The following RASGEF1C variants were observed in gnomAD, a reference collection of about 807,000 sequenced individuals.
RASGEF1C encodes ras-GEF domain-containing family member 1C.
In RASGEF1C, 27 loss-of-function variants were observed where a neutral mutation model predicts 58.1. The ratio of observed to expected loss-of-function variants is 0.46; its 90% CI spans 0.34 to 0.64. The LOEUF is 0.64. Ranked by LOEUF, RASGEF1C falls within the 30% of genes least tolerant of loss-of-function variation. The probability of loss-of-function intolerance (pLI) is 0.01; values close to 1 mark genes in which losing one functional copy is unlikely to be tolerated. For missense variants in RASGEF1C, 502 were observed against 605.1 expected (o/e 0.83, Z 1.79); for synonymous variants, 243 against 246.3 (o/e 0.99, Z 0.13).
chr5:180,101,324 A>T lies in RASGEF1C; in HGVS notation c.*177T>A. 1 of 667,190 alleles carries T rather than the reference A, an allele frequency of 1.5e-6. No homozygotes were observed. Among genetic ancestry groups the T allele is most frequent in the Non-Finnish European group, 2.5e-6 (1 of 406,134 alleles). The allele number at this position is 667,190 out of a possible 1,614,324, so 41.3% of individuals were successfully genotyped here. On this transcript the variant is annotated 3_prime_UTR_variant, in exon 14 of 14. Transcript: ENST00000361132. ...CCTGCCAGGGCCAAAGTCCCATAAA[A>T]GGTCTCCTGTGCCCGTATGGCCACT...
chr5:180,171,625 G>A (rs1185548680), intron 1 of RASGEF1C, among the ~76,000 whole-genome samples: 1 of 152,180 alleles, frequency 6.6e-6, no homozygotes, highest in Non-Finnish European at 1.5e-5. Context: ...CCTGCACACT[G>A]CAGTGGGCAC....
chr5:180,170,641 C>T (rs537086031), intron 1 of RASGEF1C, among the ~76,000 whole-genome samples: 141 of 152,286 alleles, frequency 9.3e-4, no homozygotes, highest in Non-Finnish European at 1.6e-3. Context: ...TCGAACCTTC[C>T]GGAGGTCCCT....
Position 180,114,458 on chromosome 5 carries a change from G to T in RASGEF1C, c.1167C>A (p.His389Gln). Residue 389 changes from histidine (H) to glutamine (Q), a missense_variant, in exon 11 of 14, where the codon CAC (histidine) becomes CAA (glutamine). Transcript: ENST00000361132. ...ACGGAGGTCCTACCTCAAAGTTGAC[G>T]TGTCCATTGGGAAGGCGGTTGGCGC... ...EGCANRLPNG[H>Q]VNFEKFLELA... is the part of the protein sequence containing the mutation. The T allele has an allele frequency of 6.2e-7, 1 of 1,612,658 alleles. No homozygotes were observed. The highest frequency in any genetic ancestry group is 8.5e-7 in the Non-Finnish European group (1 of 1,179,066).
rs920030619 is a variant in RASGEF1C, at chr5:180,115,763, C to T, written c.1084-1222G>A. The stretch of plus-strand genomic sequence containing the variant: ...AGGCCCAGAGAGGTTAAATACCTTG[C>T]ATAAGCTCACACAGCAGTGAGCAGC... On this transcript the variant is annotated intron_variant, in intron 10 of 13. Coordinates refer to ENST00000361132, the MANE Select transcript of RASGEF1C (RefSeq NM_175062.4). Among the ~76,000 whole-genome samples, 13 of 152,310 alleles carry T rather than the reference C, an allele frequency of 8.5e-5. No homozygotes were observed. In the East Asian group the frequency reaches 2.5e-3, roughly 29 times the overall value.
chr5:180,150,701 A>G (rs4700883), intron 1 of RASGEF1C, among the ~76,000 whole-genome samples: 148,353 of 152,170 alleles, frequency 0.97, 72,421 homozygotes, highest in East Asian at 1. Flanking sequence ...ACATAGTGTT[A>G]GAAGTTCTGG....
intron 1 of RASGEF1C, among the ~76,000 whole-genome samples, chr5:180,180,202 A>G (rs1292149511): frequency 3.3e-5 from 5 of 152,222 alleles, no homozygotes; most frequent in Admixed American, 2.6e-4. Flanking sequence ...CTGTGGAGGT[A>G]ATAACAAGTA....
chr5:180,183,977 G>A (rs1755975498), intron 1 of RASGEF1C, among the ~76,000 whole-genome samples: 1 of 151,388 alleles, frequency 6.6e-6, no homozygotes, highest in Non-Finnish European at 1.5e-5. Flanking sequence ...TTTGAGACCA[G>A]CCTGGTCAAC....
intron 4 of RASGEF1C, among the ~76,000 whole-genome samples, chr5:180,129,571 C>T (rs1390287242): frequency 1.3e-5 from 2 of 152,194 alleles, no homozygotes; most frequent in Non-Finnish European, 2.9e-5. Context: ...GCCACACCTG[C>T]CCACCGCTCA....
At chr5:180,169,055 G>C (rs1188696193) in intron 1 of RASGEF1C, among the ~76,000 whole-genome samples, 4 of 152,208 alleles carry the variant, frequency 2.6e-5, no homozygotes, top group Non-Finnish European at 5.9e-5. Context: ...CAGTGGGAGA[G>C]TGGAGTATGC....
Position 180,163,254 on chromosome 5 carries a change from C to CTTTTTTTTTTTTTTTTT in RASGEF1C, c.-6-25197_-6-25196insAAAAAAAAAAAAAAAAA, listed in dbSNP as rs1187829324. On this transcript the variant is annotated intron_variant, in intron 1 of 13. Transcript: ENST00000361132. ...CACTTTTTTTTTTTTTTTTTTTTTC[C>CTTTTTTTTTTTTTTTTT]AGCCTATTGCACTGGCTAGGACTTC... Among the ~76,000 whole-genome samples, 83 of 71,054 alleles carry CTTTTTTTTTTTTTTTTT rather than the reference C, an allele frequency of 1.2e-3. 18 individuals carry two copies. Among genetic ancestry groups the CTTTTTTTTTTTTTTTTT allele is most frequent in the East Asian group, 1.9e-3 (4 of 2,058 alleles). The allele number at this position is 71,054 out of a possible 152,430, so 46.6% of individuals were successfully genotyped here.
chr5:180,191,268 C>T (rs1306620025), intron 1 of RASGEF1C, among the ~76,000 whole-genome samples: 2 of 152,220 alleles, frequency 1.3e-5, no homozygotes, highest in Admixed American at 6.5e-5. Context: ...ACCATTTAAC[C>T]TGGCCATTCC....
chr5:180,162,337 G>T (rs1383502255), intron 1 of RASGEF1C, among the ~76,000 whole-genome samples: 1 of 152,250 alleles, frequency 6.6e-6, no homozygotes, highest in Non-Finnish European at 1.5e-5. Flanking sequence ...GCTGGGCTGG[G>T]CAGTGGAGAA....
chr5:180,173,572 A>G (rs1365237975), intron 1 of RASGEF1C, among the ~76,000 whole-genome samples: 2 of 152,216 alleles, frequency 1.3e-5, no homozygotes, highest in East Asian at 3.8e-4. Flanking sequence ...TGAAAGAGAA[A>G]AGAATTTCAT....
intron 1 of RASGEF1C, among the ~76,000 whole-genome samples, chr5:180,171,402 C>T (rs572411101): frequency 2.0e-5 from 3 of 152,222 alleles, no homozygotes; most frequent in Middle Eastern, 3.4e-3. Flanking sequence ...TCCTACAGCC[C>T]GGGGAATCCA....
At chr5:180,178,133 ATTTT>A (rs56344691) in intron 1 of RASGEF1C, among the ~76,000 whole-genome samples, 1 of 135,368 alleles carries the variant, frequency 7.4e-6, no homozygotes, top group South Asian at 2.4e-4. Context: ...AGCCTGGCTA[ATTTT>A]TTTTTTTTTT....
At chr5:180,192,059 C>T (rs182688297) in intron 1 of RASGEF1C, among the ~76,000 whole-genome samples, 40 of 152,326 alleles carry the variant, frequency 2.6e-4, no homozygotes, top group Admixed American at 1.2e-3. Flanking sequence ...TCTCTAGCTT[C>T]GTGTCTGTCT....
intron 1 of RASGEF1C, among the ~76,000 whole-genome samples, chr5:180,138,766 A>G (rs1234960411): frequency 1.3e-5 from 2 of 151,858 alleles, no homozygotes; most frequent in Non-Finnish European, 1.5e-5. Context: ...ATCACACCCC[A>G]TTGCTCTTGG....
intron 1 of RASGEF1C, among the ~76,000 whole-genome samples, chr5:180,159,075 TCA>T (rs2113299078): frequency 6.6e-6 from 1 of 152,192 alleles, no homozygotes; most frequent in South Asian, 2.1e-4. Context: ...GTTCTTTTTT[TCA>T]GAGATGTAAT....
chr5:180,189,036 T>C (rs1756099879), intron 1 of RASGEF1C, among the ~76,000 whole-genome samples: 1 of 152,254 alleles, frequency 6.6e-6, no homozygotes, highest in Non-Finnish European at 1.5e-5. Flanking sequence ...TGATCATCTA[T>C]GTAGGAAATT....
Sources: gnomAD v4.1 joint callset for allele counts (sites outside exome capture counted in the v4.1 genomes callset) on GRCh38, gnomAD v4.1.1 for gene constraint, MANE v1.5 for transcripts, NCBI Gene and HGNC (gene_info 2026-07-23, HGNC 2026-07-21) for gene names.